The following PCDH9 variants were observed in gnomAD, a reference collection of about 807,000 sequenced individuals.
The protein encoded by PCDH9 is protocadherin 9, also known as protocadherin-9.
PCDH9 carries 24 observed loss-of-function variants against 70.6 expected under a neutral mutation model. The ratio of observed to expected loss-of-function variants is 0.34; its 90% CI spans 0.25 to 0.48. The LOEUF (loss-of-function observed/expected upper bound fraction) is 0.48, where lower values mean the gene tolerates loss of function less well. PCDH9 is among the 20% of genes least tolerant of loss of function. PCDH9 has a pLI of 0.99. For synonymous variants in PCDH9, 562 were observed against 558.5 expected (o/e 1.01, Z -0.09); for missense variants, 1,281 against 1,503.6 (o/e 0.85, Z 2.45).
intron 4 of PCDH9, among the ~76,000 whole-genome samples, chr13:66,505,792 A>T (rs1959206007): frequency 6.6e-6 from 1 of 152,106 alleles, no homozygotes; most frequent in Non-Finnish European, 1.5e-5. Context: ...GGGAGCTACA[A>T]TTCAAGATGA....
chr13:66,984,248 T>C (rs1300377403), intron 2 of PCDH9, among the ~76,000 whole-genome samples: 1 of 152,160 alleles, frequency 6.6e-6, no homozygotes, highest in African/African-American at 2.4e-5. Flanking sequence ...TATATTTCTT[T>C]AAAAATGGCT....
chr13:66,678,756 TA>T (rs201413526), intron 3 of PCDH9, among the ~76,000 whole-genome samples: 3 of 151,150 alleles, frequency 2.0e-5, no homozygotes, highest in Admixed American at 6.6e-5. Context: ...TGTAGAAAAA[TA>T]AAAAAAATAT....
intron 3 of PCDH9, among the ~76,000 whole-genome samples, chr13:66,694,127 T>C (rs1331587620): frequency 6.6e-6 from 1 of 152,200 alleles, no homozygotes; most frequent in Non-Finnish European, 1.5e-5. Context: ...ATGTGAAAAG[T>C]CATCTATGGG....
intron 4 of PCDH9, among the ~76,000 whole-genome samples, chr13:66,353,457 C>T (rs2138176631): frequency 6.6e-6 from 1 of 152,280 alleles, no homozygotes; most frequent in South Asian, 2.1e-4. Flanking sequence ...GATAAGGTTA[C>T]TGTTAACGTT....
chr13:67,159,117 G>A (rs1041991994), intron 2 of PCDH9, among the ~76,000 whole-genome samples: 4 of 152,204 alleles, frequency 2.6e-5, no homozygotes, highest in Admixed American at 1.3e-4. Flanking sequence ...AAAATTAGAC[G>A]ATTTCTTTGA....
chr13:66,302,868 T>C lies in PCDH9; in HGVS notation c.*1787A>G, dbSNP rs1224634028. On this transcript the variant is annotated 3_prime_UTR_variant, in exon 5 of 5. Coordinates refer to ENST00000377865, the MANE Select transcript of PCDH9 (RefSeq NM_203487.3). ...CAGAACATTTATTGCAAGAGCTGAA[T>C]AATTGTAAATAACGTAGAACTGGCA... The C allele has an allele frequency of 6.6e-6, 1 of 152,530 alleles. No homozygotes were observed. Among genetic ancestry groups the C allele is most frequent in the African/African-American group, 2.4e-5 (1 of 41,450 alleles). The allele number at this position is 152,530 out of a possible 1,614,324, so 9.4% of individuals were successfully genotyped here. A position where few individuals can be genotyped will look rare whatever the true frequency, so the allele number is the denominator to read the frequency against.
intron 4 of PCDH9, among the ~76,000 whole-genome samples, chr13:66,540,481 T>C (rs1960907498): frequency 6.6e-6 from 1 of 152,152 alleles, no homozygotes; most frequent in Non-Finnish European, 1.5e-5. Flanking sequence ...TTAAGCTTTT[T>C]TTACATAGCA....
At chr13:67,168,707 C>T (rs561843774) in intron 2 of PCDH9, among the ~76,000 whole-genome samples, 6 of 152,102 alleles carry the variant, frequency 3.9e-5, no homozygotes, top group Non-Finnish European at 5.9e-5. Flanking sequence ...GTCCAGCCAG[C>T]CTGGGCAACA....
At chr13:66,934,727 T>G (rs2082881201) in intron 2 of PCDH9, among the ~76,000 whole-genome samples, 2 of 114,544 alleles carry the variant, frequency 1.7e-5, no homozygotes, top group Non-Finnish European at 3.6e-5. Context: ...TTTTTTTTTT[T>G]TTTTTTTTTT....
chr13:66,453,318 C>A (rs1958251246), intron 4 of PCDH9, among the ~76,000 whole-genome samples: 2 of 152,166 alleles, frequency 1.3e-5, no homozygotes, highest in Non-Finnish European at 2.9e-5. Flanking sequence ...AAAATCATCT[C>A]AAATCTAACT....
chr13:66,584,329 G>C (rs918393033), intron 4 of PCDH9, among the ~76,000 whole-genome samples: 2 of 152,022 alleles, frequency 1.3e-5, no homozygotes, highest in Non-Finnish European at 2.9e-5. Flanking sequence ...TATACTCAAC[G>C]GAATGATTTT....
chr13:66,508,768 T>C (rs1000417956), intron 4 of PCDH9, among the ~76,000 whole-genome samples: 2 of 152,212 alleles, frequency 1.3e-5, no homozygotes, highest in African/African-American at 4.8e-5. Flanking sequence ...ATAATAGATA[T>C]ACTGATATCC....
rs9540887 is a variant in PCDH9, at chr13:66,742,986, G to A, written c.3139-111575C>T. Among the ~76,000 whole-genome samples, 622 of 100,032 alleles carry A rather than the reference G, an allele frequency of 6.2e-3. 2 individuals are homozygous for A. The highest frequency in any genetic ancestry group is 0.018 in the African/African-American group (586 of 31,972). The allele number at this position is 100,032 out of a possible 152,430, so 65.6% of individuals were successfully genotyped here. A position where few individuals can be genotyped will look rare whatever the true frequency, so the allele number is the denominator to read the frequency against. On this transcript the variant is annotated intron_variant, in intron 3 of 4. Coordinates refer to ENST00000377865, the MANE Select transcript of PCDH9 (RefSeq NM_203487.3). ...AAATACCATTTGACCCAGCCATCCC[G>A]TTACTGGGTATATACCCAAAGGACT...
At chr13:66,312,638 C>A (rs1293549369) in intron 4 of PCDH9, among the ~76,000 whole-genome samples, 1 of 151,762 alleles carries the variant, frequency 6.6e-6, no homozygotes, top group Non-Finnish European at 1.5e-5. Context: ...TACTCTAGTA[C>A]TGAGGTCACA....
intron 2 of PCDH9, among the ~76,000 whole-genome samples, chr13:67,052,550 G>T (rs2085342321): frequency 6.6e-6 from 1 of 151,662 alleles, no homozygotes; most frequent in South Asian, 2.1e-4. Flanking sequence ...CAATCTAGCA[G>T]CAGCTGAAAA....
chr13:67,046,600 A>G (rs2085226428), intron 2 of PCDH9, among the ~76,000 whole-genome samples: 1 of 152,040 alleles, frequency 6.6e-6, no homozygotes, highest in Non-Finnish European at 1.5e-5. Context: ...TTATTTTATC[A>G]CTATGAACAA....
At chr13:66,796,230 G>A (rs912193869) in intron 3 of PCDH9, among the ~76,000 whole-genome samples, 1 of 152,086 alleles carries the variant, frequency 6.6e-6, no homozygotes, top group Non-Finnish European at 1.5e-5. Flanking sequence ...TGTGAAGAAA[G>A]CTTATTTATT....
intron 4 of PCDH9, among the ~76,000 whole-genome samples, chr13:66,480,300 A>G (rs1331061157): frequency 6.6e-6 from 1 of 152,180 alleles, no homozygotes; most frequent in Non-Finnish European, 1.5e-5. Flanking sequence ...TAAACAGATG[A>G]GAAATTGATT....
chr13:66,769,218 G>GAAA (rs891072524), intron 3 of PCDH9, among the ~76,000 whole-genome samples: 2 of 150,528 alleles, frequency 1.3e-5, no homozygotes, highest in African/African-American at 4.9e-5. Context: ...AGTGAAATAT[G>GAAA]AAAAAAAAAT....
Sources: allele counts gnomAD v4.1 joint callset (sites outside exome capture counted in the v4.1 genomes callset), GRCh38; gene constraint gnomAD v4.1.1; transcripts MANE v1.5; gene names NCBI Gene and HGNC (gene_info 2026-07-23, HGNC 2026-07-21).